Variants in UGT1A10 observed in about 807,000 individuals in gnomAD.
UGT1A10 encodes the protein UDP glucuronosyltransferase family 1 member A10, also known as UDP-glucuronosyltransferase 1A10.
Under a neutral mutation model 45.8 loss-of-function variants are expected in UGT1A10, and 49 were observed. That is an observed-to-expected ratio of 1.07 (90% CI 0.85 to 1.36). The LOEUF is 1.36. Ranked by LOEUF, UGT1A10 falls within the 40% of genes most tolerant of loss-of-function variation. The pLI is 0.00. For missense variants in UGT1A10, 745 were observed against 668.6 expected (o/e 1.11, Z -1.26); for synonymous variants, 284 against 249.7 (o/e 1.14, Z -1.29).
At chr2:233,651,311 C>T (rs563617963) in intron 1 of UGT1A10, among the ~76,000 whole-genome samples, 7 of 152,094 alleles carry the variant, frequency 4.6e-5, no homozygotes, top group South Asian at 4.2e-4. Context: ...AGAGGGCTTC[C>T]GAGATACGGA....
At chr2:233,650,184 G>A (rs2073704839) in intron 1 of UGT1A10, among the ~76,000 whole-genome samples, 1 of 152,096 alleles carries the variant, frequency 6.6e-6, no homozygotes, top group South Asian at 2.1e-4. Flanking sequence ...TGGTCAGGCT[G>A]GTCTCGAACT....
intron 1 of UGT1A10, among the ~76,000 whole-genome samples, chr2:233,663,993 C>A (rs766096389): frequency 6.6e-6 from 1 of 152,178 alleles, no homozygotes; most frequent in Non-Finnish European, 1.5e-5. Flanking sequence ...CAGGCCACAT[C>A]TGGAATACTT....
intron 1 of UGT1A10, among the ~76,000 whole-genome samples, chr2:233,646,307 A>G (rs1210774164): frequency 6.6e-6 from 1 of 152,194 alleles, no homozygotes; most frequent in Non-Finnish European, 1.5e-5. Flanking sequence ...GACCTCTGAC[A>G]TGCCCTGGAG....
chr2:233,695,585 C>T (rs1169249848), intron 1 of UGT1A10, among the ~76,000 whole-genome samples: 1 of 151,918 alleles, frequency 6.6e-6, no homozygotes, highest in African/African-American at 2.4e-5. Flanking sequence ...CCTACTTACC[C>T]TTTCCACCTT....
At chr2:233,709,578 A>G (rs2125616142) in intron 1 of UGT1A10, among the ~76,000 whole-genome samples, 1 of 152,336 alleles carries the variant, frequency 6.6e-6, no homozygotes, top group South Asian at 2.1e-4. Flanking sequence ...AAATTCAAAA[A>G]ATATACCAGG....
At position 233,661,632 on chromosome 2, in the gene UGT1A10, T is replaced by C. The variant is rs73996161; in HGVS notation, c.855+24255T>C. ...GTGAAGACTTACTGAATTTTCTTTC[T>C]TTCTTTCTTTCTTTCTTTCTTTCTT... On this transcript the variant is annotated intron_variant, in intron 1 of 4. Transcript: ENST00000344644. Among the ~76,000 whole-genome samples the C allele has an allele frequency of 1.1e-4, 13 of 121,304 alleles. 1 individual carries two copies. Among genetic ancestry groups the C allele is most frequent in the African/African-American group, 3.7e-4 (13 of 35,236 alleles). The allele number at this position is 121,304 out of a possible 152,430, so 79.6% of individuals were successfully genotyped here.
At position 233,680,731 on chromosome 2, in the gene UGT1A10, T is replaced by G. The variant is rs188576651; in HGVS notation, c.855+43354T>G. ...AATCTCATCCTCAAGGGGTGCTCGG[T>G]AGAATGGAGGAAACAATACATAGAT... On this transcript the variant is annotated intron_variant, in intron 1 of 4. Coordinates refer to ENST00000344644, the MANE Select transcript of UGT1A10 (RefSeq NM_019075.4). Among the ~76,000 whole-genome samples, 298 of 152,004 alleles carry G rather than the reference T, an allele frequency of 2.0e-3. 2 individuals carry two copies. Among genetic ancestry groups the G allele is most frequent in the African/African-American group, 6.9e-3 (285 of 41,438 alleles).
intron 1 of UGT1A10, among the ~76,000 whole-genome samples, chr2:233,637,954 T>A (rs1235661903): frequency 6.6e-6 from 1 of 152,214 alleles, no homozygotes; most frequent in Non-Finnish European, 1.5e-5. Flanking sequence ...TGTAGTTTTT[T>A]AACCAATTAA....
At chr2:233,700,425 T>G (rs901501632) in intron 1 of UGT1A10, among the ~76,000 whole-genome samples, 10 of 152,144 alleles carry the variant, frequency 6.6e-5, no homozygotes, top group Non-Finnish European at 1.0e-4. Context: ...TAATAGATAA[T>G]TATCTAAAGA....
In UGT1A10 at chr2:233,722,182, C is replaced by T. The variant is rs530414552; in HGVS notation, c.856-44852C>T. On this transcript the variant is annotated intron_variant, in intron 1 of 4. Transcript: ENST00000344644. ...GTCACCTGGAGACCTTTGCCATGTT[C>T]GTGCCAATTTACTGAGTGCATGAAA... The T allele has an allele frequency of 1.0e-4, 16 of 156,916 alleles. No homozygotes were observed. The Middle Eastern group carries it at 8.9e-3, about 87-fold the overall frequency. 9.7% of individuals were successfully genotyped at this position (156,916 alleles called of 1,614,324 possible).
In UGT1A10 at chr2:233,769,879, A is replaced by C; in HGVS notation, c.1295+1440A>C. 5 of 413,904 alleles carry C rather than the reference A, an allele frequency of 1.2e-5. No individual in the cohort carries two copies. The highest frequency in any genetic ancestry group is 4.6e-5 in the East Asian group (1 of 21,696). 25.6% of individuals were successfully genotyped at this position (413,904 alleles called of 1,614,324 possible). ...TCTCAAAAAAAAAAAAAAAAATGAA[A>C]AGTCCACATAACCTGAGCATCATGT... On this transcript the variant is annotated intron_variant, in intron 4 of 4. Coordinates refer to ENST00000344644, the MANE Select transcript of UGT1A10 (RefSeq NM_019075.4). The surrounding 1 kb of genome is among the most constrained non-coding windows in gnomAD (Gnocchi z 4.4).
At chr2:233,707,553 G>A (rs1016218991) in intron 1 of UGT1A10, among the ~76,000 whole-genome samples, 23 of 118,818 alleles carry the variant, frequency 1.9e-4, no homozygotes, top group African/African-American at 7.4e-4. Context: ...TTTTTTTTTT[G>A]GTTCAACCTT....
At chr2:233,647,203 C>A (rs1286417019) in intron 1 of UGT1A10, among the ~76,000 whole-genome samples, 1 of 152,228 alleles carries the variant, frequency 6.6e-6, no homozygotes, top group Non-Finnish European at 1.5e-5. Context: ...CAGGTTCCTT[C>A]CATGACACGT....
intron 1 of UGT1A10, chr2:233,713,413 T>C (rs749800314): frequency 6.2e-7 from 1 of 1,614,190 alleles, no homozygotes; most frequent in Non-Finnish European, 8.5e-7. Context: ...ATCAGGCACC[T>C]GCATGCTACT....
chr2:233,693,584 A>G (rs779489251), intron 1 of UGT1A10: 1 of 1,614,184 alleles, frequency 6.2e-7, no homozygotes, highest in Non-Finnish European at 8.5e-7. Flanking sequence ...CTACATTCCC[A>G]GGTGCTACAC....
intron 1 of UGT1A10, among the ~76,000 whole-genome samples, chr2:233,757,010 A>G (rs1316931838): frequency 1.3e-5 from 2 of 151,932 alleles, no homozygotes; most frequent in African/African-American, 4.8e-5. Flanking sequence ...GGTAGAGTTC[A>G]GTTTGAACAA....
intron 1 of UGT1A10, among the ~76,000 whole-genome samples, chr2:233,761,451 T>A (rs1697772637): frequency 6.6e-6 from 1 of 152,220 alleles, no homozygotes; most frequent in South Asian, 2.1e-4. Context: ...ATGCTGGGTT[T>A]GGGGCACCCT....
At chr2:233,706,053 C>G (rs1254289115) in intron 1 of UGT1A10, among the ~76,000 whole-genome samples, 3 of 152,144 alleles carry the variant, frequency 2.0e-5, no homozygotes, top group Non-Finnish European at 4.4e-5. Flanking sequence ...CGAGATCACG[C>G]CACTGCATGC....
chr2:233,710,222 T>A (rs1194275702), intron 1 of UGT1A10, among the ~76,000 whole-genome samples: 1 of 152,250 alleles, frequency 6.6e-6, no homozygotes. Flanking sequence ...TGAATAAAGC[T>A]GCTATGACTA....
Sources: allele counts gnomAD v4.1 joint callset (sites outside exome capture counted in the v4.1 genomes callset), GRCh38; gene constraint gnomAD v4.1.1; non-coding constraint Gnocchi (gnomAD v3.1); transcripts MANE v1.5; gene names NCBI Gene and HGNC (gene_info 2026-07-23, HGNC 2026-07-21).